Variants in ZNF280B observed in about 807,000 individuals in gnomAD.
The protein encoded by ZNF280B is suppressor of hairy wing homolog 2.
ZNF280B carries 16 observed loss-of-function variants against 38.0 expected under a neutral mutation model. The observed-to-expected ratio is 0.42, with a 90% CI of 0.28 to 0.64. The LOEUF (loss-of-function observed/expected upper bound fraction) is 0.64. Among genes scored for constraint, ZNF280B ranks in the 30% least tolerant of loss-of-function variants. The pLI is 0.21. For synonymous variants in ZNF280B, 253 were observed against 230.6 expected (o/e 1.10, Z -0.88); for missense variants, 581 against 639.6 (o/e 0.91, Z 0.99).
chr22:22,497,102 G>C (rs1395356853), intron 2 of ZNF280B, among the ~76,000 whole-genome samples: 1 of 150,114 alleles, frequency 6.7e-6, no homozygotes, highest in Non-Finnish European at 1.5e-5. Flanking sequence ...ACAGGCGTGA[G>C]GCACCGTGCC....
rs1186365651 is a variant in ZNF280B at position 22,489,066 on chromosome 22, T to C, written c.333A>G (p.Ser111=). ...VLPASQLESR[S]TDSPIIIEPL... is the part of the protein sequence containing the mutation. ...GCTCAATAATAATAGGACTATCTGT[T>C]GATCTCGATTCAAGTTGGGAAGCTG... The change falls in exon 4 of 4, where the codon TCA becomes TCG. Residue 111 remains serine, a synonymous_variant. Transcript: ENST00000626650. The C allele has an allele frequency of 1.2e-6, 2 of 1,613,778 alleles. No individual in the cohort carries two copies. Among genetic ancestry groups the C allele is most frequent in the African/African-American group, 2.7e-5 (2 of 74,862 alleles).
In ZNF280B at chr22:22,488,058, G is replaced by A. The variant is rs776818087; in HGVS notation, c.1341C>T (p.Tyr447=). The A allele has an allele frequency of 6.8e-5, 110 of 1,613,810 alleles. 1 individual carries two copies. The highest frequency in any genetic ancestry group is 9.2e-5 in the Non-Finnish European group (108 of 1,179,988). Residue 447 remains tyrosine (Y), a synonymous_variant, in exon 4 of 4, where the codon TAC becomes TAT. Transcript: ENST00000626650. ...CCCAGTGGCCCCTATAATGACACAT[G>A]TATGGTGTTGCTGTTTTGAAAATTT... The part of the protein sequence containing the change: ...CLKIFKTATP[Y]MCHYRGHWGK...
intron 2 of ZNF280B, among the ~76,000 whole-genome samples, chr22:22,494,909 G>T (rs181425829): frequency 3.3e-5 from 5 of 152,004 alleles, no homozygotes; most frequent in Non-Finnish European, 7.4e-5. Context: ...TGTATTTTTA[G>T]TAGAGATGGG....
chr22:22,486,205 CAT>C lies in ZNF280B; in HGVS notation c.*1560_*1561del, dbSNP rs1401319815. The C allele has an allele frequency of 1.3e-5, 2 of 151,976 alleles. No homozygotes were observed. The highest frequency in any genetic ancestry group is 4.8e-5 in the African/African-American group (2 of 41,394). The allele number at this position is 151,976 out of a possible 1,614,324, so 9.4% of individuals were successfully genotyped here. A position where few individuals can be genotyped will look rare whatever the true frequency, so the allele number is the denominator to read the frequency against. On this transcript the variant is annotated 3_prime_UTR_variant, in exon 4 of 4. Coordinates refer to ENST00000626650, the MANE Select transcript of ZNF280B (RefSeq NM_080764.4). ...TAATACATTCATGTCCAAAGCAAGA[CAT>C]AAAGTTGCAAGCTTCACATGTTCAA...
In ZNF280B at chr22:22,488,370, G is replaced by T. The variant is rs571645161; in HGVS notation, c.1029C>A (p.Thr343=). ...ACTGCCGGTGGCAGTGCTGGCAGGT[G>T]GTGTGGTTTTCCCAGCTGTCGTTCC... is the stretch of plus-strand genomic sequence containing the variant. ...KQRNDSWENH[T]TCQHCHRQFP... The change falls in exon 4 of 4, where the codon ACC becomes ACA. Residue 343 remains threonine, a synonymous_variant. Coordinates refer to ENST00000626650, the MANE Select transcript of ZNF280B (RefSeq NM_080764.4). 2.5e-6 allele frequency: 4 copies of T among 1,613,844 alleles called. No homozygotes were observed. The South Asian group carries it at 3.3e-5, about 13-fold the overall frequency.
At chr22:22,506,829 T>C (rs1003710622) in intron 2 of ZNF280B, among the ~76,000 whole-genome samples, 1 of 151,874 alleles carries the variant, frequency 6.6e-6, no homozygotes, top group African/African-American at 2.4e-5. Flanking sequence ...TGAGATCCTA[T>C]GGAAAAGGGT....
chr22:22,503,504 T>C, intron 2 of ZNF280B, among the ~76,000 whole-genome samples: 1 of 152,034 alleles, frequency 6.6e-6, no homozygotes, highest in South Asian at 2.1e-4. Flanking sequence ...GTAGCAAGGA[T>C]AATGGAACAA....
Position 22,485,844 on chromosome 22 carries a change from CAG to C in ZNF280B, c.*1921_*1922del, listed in dbSNP as rs1172565164. 2.0e-5 allele frequency: 3 copies of C among 151,972 alleles called. No homozygotes were observed. The highest frequency in any genetic ancestry group is 7.3e-5 in the African/African-American group (3 of 41,368). The allele number at this position is 151,972 out of a possible 1,614,324, so 9.4% of individuals were successfully genotyped here. ...AAGACAGGCTGCTGGGCACCTTGGT[CAG>C]GGGTGGAGGAACAAAGGATGGCACC... On this transcript the variant is annotated 3_prime_UTR_variant, in exon 4 of 4. Transcript: ENST00000626650.
intron 1 of ZNF280B, among the ~76,000 whole-genome samples, chr22:22,508,252 A>G (rs893735089): frequency 1.3e-5 from 2 of 151,894 alleles, no homozygotes; most frequent in African/African-American, 4.8e-5. Flanking sequence ...GGTCTCCAGA[A>G]CTGGGGAGGG....
At chr22:22,501,351 A>C (rs1171642051) in intron 2 of ZNF280B, among the ~76,000 whole-genome samples, 2 of 151,794 alleles carry the variant, frequency 1.3e-5, no homozygotes, top group African/African-American at 4.8e-5. Flanking sequence ...AATCACTTAC[A>C]GTCAGGAGTT....
chr22:22,500,377 A>G (rs2061792058), intron 2 of ZNF280B, among the ~76,000 whole-genome samples: 1 of 151,822 alleles, frequency 6.6e-6, no homozygotes, highest in Admixed American at 6.6e-5. Context: ...ATATATATAT[A>G]TATGCACACA....
In ZNF280B at chr22:22,488,556, G is replaced by C. The variant is rs778321038; in HGVS notation, c.843C>G (p.Pro281=). ...NKTFDPKKEN[P]IVLLSDFYYG... is the part of the protein sequence containing the mutation. ...AGTAAAAGTCACTAAGTAACACAAT[G>C]GGATTTTCTTTCTTGGGATCAAAGG... The change falls in exon 4 of 4, where the codon CCC becomes CCG. Residue 281 remains proline, a synonymous_variant. Coordinates refer to ENST00000626650, the MANE Select transcript of ZNF280B (RefSeq NM_080764.4). The C allele has an allele frequency of 3.1e-6, 5 of 1,613,848 alleles. No homozygotes were observed. Among genetic ancestry groups the C allele is most frequent in the Non-Finnish European group, 4.2e-6 (5 of 1,179,962 alleles).
intron 2 of ZNF280B, among the ~76,000 whole-genome samples, chr22:22,498,445 T>C (rs988968103): frequency 1.3e-5 from 2 of 151,890 alleles, no homozygotes; most frequent in Non-Finnish European, 2.9e-5. Context: ...AGGAATACTA[T>C]GAAAAATTAT....
chr22:22,507,341 C>A (rs2061959047), intron 2 of ZNF280B, among the ~76,000 whole-genome samples: 4 of 151,866 alleles, frequency 2.6e-5, no homozygotes, highest in Admixed American at 2.6e-4. Flanking sequence ...CAATTTGTTA[C>A]ACGGCAATAG....
rs1486028388 is a variant in ZNF280B, at chr22:22,487,519, C to G, written c.*248G>C. 5.9e-6 allele frequency: 2 copies of G among 337,916 alleles called. No individual in the cohort carries two copies. Among genetic ancestry groups the G allele is most frequent in the Non-Finnish European group, 1.0e-5 (2 of 190,480 alleles). The allele number at this position is 337,916 out of a possible 1,614,324, so 20.9% of individuals were successfully genotyped here. Reference sequence around the variant, plus strand: ...AATTAATACCTTTTTCTCTCTCTCACACACACACACAAACACCTTTTATGT... The same window carrying G: ...AATTAATACCTTTTTCTCTCTCTCAGACACACACACAAACACCTTTTATGT... On this transcript the variant is annotated 3_prime_UTR_variant, in exon 4 of 4. Transcript: ENST00000626650.
rs2061480295 is a variant in ZNF280B, at chr22:22,484,438, T to G, written c.*3329A>C. 1.3e-5 allele frequency: 2 copies of G among 152,420 alleles called. No individual in the cohort carries two copies. 9.4% of individuals were successfully genotyped at this position (152,420 alleles called of 1,614,324 possible). On this transcript the variant is annotated 3_prime_UTR_variant, in exon 4 of 4. Coordinates refer to ENST00000626650, the MANE Select transcript of ZNF280B (RefSeq NM_080764.4). The stretch of plus-strand genomic sequence containing the variant: ...CAACAGCATTTTTTTCACAAAACAT[T>G]TTATTACTATAATTGATATTTTACT...
intron 2 of ZNF280B, among the ~76,000 whole-genome samples, chr22:22,501,019 C>CAAAA (rs56907724): frequency 6.6e-5 from 4 of 60,272 alleles, no homozygotes; most frequent in Non-Finnish European, 1.3e-4. Context: ...GACTCCGTCT[C>CAAAA]AAAAAAAAAA....
chr22:22,506,019 C>T (rs1224861763), intron 2 of ZNF280B, among the ~76,000 whole-genome samples: 3 of 151,044 alleles, frequency 2.0e-5, no homozygotes, highest in East Asian at 2.0e-4. Flanking sequence ...ACTAAGAAGT[C>T]GGACTCTAGA....
At position 22,491,766 on chromosome 22, in the gene ZNF280B, TGCCCA is replaced by T. The variant is rs577972429; in HGVS notation, c.-69+2292_-69+2296del. Among the ~76,000 whole-genome samples, 680 of 152,082 alleles carry T rather than the reference TGCCCA, an allele frequency of 4.5e-3. 3 individuals carry two copies. Among genetic ancestry groups the T allele is most frequent in the Non-Finnish European group, 5.4e-3 (367 of 68,008 alleles). On this transcript the variant is annotated intron_variant, in intron 3 of 3. Coordinates refer to ENST00000626650, the MANE Select transcript of ZNF280B (RefSeq NM_080764.4). ...AGCCATGGATTACAAGCCTGAGCTGTGCCCAGCCTCATTTTTCTTAAACTAACCAC... is the reference window on the plus strand; with the variant it reads ...AGCCATGGATTACAAGCCTGAGCTGTGCCTCATTTTTCTTAAACTAACCAC...
Sources: gnomAD v4.1 joint callset for allele counts (sites outside exome capture counted in the v4.1 genomes callset) on GRCh38, gnomAD v4.1.1 for gene constraint, MANE v1.5 for transcripts, NCBI Gene and HGNC (gene_info 2026-07-23, HGNC 2026-07-21) for gene names.